The following TLK1 variants were observed in gnomAD, a reference collection of about 807,000 sequenced individuals.
TLK1 encodes serine/threonine-protein kinase tousled-like 1.
TLK1 carries 24 observed loss-of-function variants against 105.3 expected under a neutral mutation model. That is an observed-to-expected ratio of 0.23 (90% confidence interval 0.17 to 0.32). TLK1 has a LOEUF of 0.32. TLK1 is among the 10% of genes least tolerant of loss of function. The pLI, the probability that TLK1 is intolerant of heterozygous loss-of-function variation, is 1.00. For missense variants in TLK1, 558 were observed against 910.5 expected, an observed-to-expected ratio of 0.61 and a Z score of 4.98; for synonymous variants, 321 against 310.4, an observed-to-expected ratio of 1.03 and a Z score of -0.36.
chr2:171,229,722 T>A (rs1471547368), intron 1 of TLK1, among the ~76,000 whole-genome samples: 1 of 152,196 alleles, frequency 6.6e-6, no homozygotes, highest in African/African-American at 2.4e-5. Context: ...TAAAAACAAA[T>A]CCTTCCTCCT....
intron 1 of TLK1, among the ~76,000 whole-genome samples, chr2:171,219,757 C>T (rs1693774798): frequency 6.6e-6 from 1 of 152,160 alleles, no homozygotes; most frequent in Non-Finnish European, 1.5e-5. Flanking sequence ...CGTGCCACCA[C>T]ATCTGGCTAA....
intron 2 of TLK1, among the ~76,000 whole-genome samples, chr2:171,099,362 A>T (rs1159461138): frequency 6.6e-6 from 1 of 152,336 alleles, no homozygotes; most frequent in East Asian, 1.9e-4. Context: ...AATAAAGAAG[A>T]TCTAAATGAA....
chr2:171,091,731 TTG>T, intron 2 of TLK1: 1 of 86,556 alleles, frequency 1.2e-5, no homozygotes, highest in South Asian at 2.9e-4. Flanking sequence ...GTTGTTGTTG[TTG>T]TTGTTGTTGT....
intron 6 of TLK1, among the ~76,000 whole-genome samples, chr2:171,055,471 A>C (rs909478497): frequency 1.3e-5 from 2 of 151,992 alleles, no homozygotes; most frequent in Non-Finnish European, 2.9e-5. Context: ...CAGTTAAAAA[A>C]AAAATAAGGC....
At chr2:171,069,590 A>G (rs1420907453) in intron 3 of TLK1, among the ~76,000 whole-genome samples, 1 of 152,208 alleles carries the variant, frequency 6.6e-6, no homozygotes, top group Admixed American at 6.5e-5. Flanking sequence ...ACCCCTCAAA[A>G]TTTATCCAGT....
intron 1 of TLK1, chr2:171,159,859 A>C: frequency 6.3e-6 from 1 of 157,922 alleles, no homozygotes; most frequent in South Asian, 2.0e-4. Context: ...AGTGCGCGGG[A>C]GAAGGGGAGG....
chr2:171,146,518 GA>G (rs1326744634), intron 1 of TLK1, among the ~76,000 whole-genome samples: 4 of 152,036 alleles, frequency 2.6e-5, no homozygotes, highest in Non-Finnish European at 4.4e-5. Context: ...ATATATAAAA[GA>G]AAAAATATGA....
chr2:171,204,991 A>C (rs1022196584), intron 1 of TLK1, among the ~76,000 whole-genome samples: 2 of 152,190 alleles, frequency 1.3e-5, no homozygotes, highest in African/African-American at 4.8e-5. Context: ...GTAAATAAAA[A>C]ACAAAAGGAA....
intron 1 of TLK1, among the ~76,000 whole-genome samples, chr2:171,167,410 C>G (rs1373437934): frequency 1.3e-5 from 2 of 152,146 alleles, no homozygotes; most frequent in Admixed American, 6.5e-5. Context: ...ACCCTGCAAT[C>G]TCAACACGCC....
At chr2:171,130,609 G>A (rs1691064072) in intron 1 of TLK1, among the ~76,000 whole-genome samples, 1 of 152,144 alleles carries the variant, frequency 6.6e-6, no homozygotes, top group Admixed American at 6.5e-5. Flanking sequence ...TAAATCACGT[G>A]AGAAGAGAAA....
intron 10 of TLK1, 97 bp downstream of exon 10, chr2:171,049,717 C>T (rs958221890): frequency 1.1e-4 from 161 of 1,427,632 alleles, no homozygotes; most frequent in Non-Finnish European, 1.1e-4. Context: ...TTCAGAGTAG[C>T]GAGGAACTGG....
At chr2:171,025,785 T>C (rs558459848) in intron 12 of TLK1, among the ~76,000 whole-genome samples, 67 of 152,352 alleles carry the variant, frequency 4.4e-4, no homozygotes, top group African/African-American at 1.6e-3. Context: ...CTTATTTTTA[T>C]ACATGTAACT....
At chr2:171,160,997 G>A, upstream of TLK1, 1 of 181,024 alleles carries the variant, frequency 5.5e-6, no homozygotes, top group Admixed American at 6.5e-5. The surrounding 1 kb of genome is among the most constrained non-coding windows in gnomAD (Gnocchi z 4.4). Flanking sequence ...GGCAGCGGCG[G>A]CCGCGGGAGC....
At position 171,003,273 on chromosome 2, in the gene TLK1, C is replaced by CAAAAAAAAAAAAA. The variant is rs777049271; in HGVS notation, c.1904+2861_1904+2873dup. The stretch of plus-strand genomic sequence containing the variant: ...TGGGCGACAGAGCAAGACTCCGTCT[C>CAAAAAAAAAAAAA]AAAAAAAAAAAAAAAAAAAAAAAAA... On this transcript the variant is annotated intron_variant, in intron 18 of 20. Transcript: ENST00000431350. Among the ~76,000 whole-genome samples, 37 of 68,502 alleles carry CAAAAAAAAAAAAA rather than the reference C, an allele frequency of 5.4e-4. 1 individual carries two copies. The highest frequency in any genetic ancestry group is 2.4e-3 in the African/African-American group (29 of 12,236). 44.9% of individuals were successfully genotyped at this position (68,502 alleles called of 152,430 possible). A position where few individuals can be genotyped will look rare whatever the true frequency, so the allele number is the denominator to read the frequency against.
At chr2:171,006,734 C>T in intron 16 of TLK1, 66 bp downstream of exon 16, 1 of 1,591,152 alleles carries the variant, frequency 6.3e-7, no homozygotes, top group Non-Finnish European at 8.6e-7. Flanking sequence ...ATATCATCAA[C>T]ACAGGATGGG....
intron 2 of TLK1, among the ~76,000 whole-genome samples, chr2:171,112,616 T>C (rs1690229195): frequency 6.6e-6 from 1 of 152,176 alleles, no homozygotes; most frequent in Non-Finnish European, 1.5e-5. Context: ...AAAATATGTA[T>C]TTAAGGTATA....
At chr2:171,018,257 G>T (rs1161622607) in intron 12 of TLK1, among the ~76,000 whole-genome samples, 1 of 152,218 alleles carries the variant, frequency 6.6e-6, no homozygotes, top group African/African-American at 2.4e-5. Flanking sequence ...AAGCCAGCAA[G>T]AGAGCCCTTA....
intron 12 of TLK1, among the ~76,000 whole-genome samples, chr2:171,019,992 A>C (rs1234596955): frequency 6.6e-6 from 1 of 151,528 alleles, no homozygotes. Flanking sequence ...CAGGAAACTG[A>C]GGTTGCAGCG....
intron 3 of TLK1, among the ~76,000 whole-genome samples, chr2:171,080,139 G>A (rs1199727849): frequency 1.3e-5 from 2 of 150,420 alleles, no homozygotes; most frequent in Non-Finnish European, 2.9e-5. Flanking sequence ...GGAGTTTGCA[G>A]TGAGACGAGA....
Sources: gnomAD v4.1 joint callset for allele counts (sites outside exome capture counted in the v4.1 genomes callset) on GRCh38, gnomAD v4.1.1 for gene constraint, Gnocchi (gnomAD v3.1) non-coding constraint, MANE v1.5 for transcripts, NCBI Gene and HGNC (gene_info 2026-07-23, HGNC 2026-07-21) for gene names.